The following ZFYVE28 variants were observed in gnomAD, a reference collection of about 807,000 sequenced individuals.
ZFYVE28 encodes zinc finger FYVE-type containing 28, also known as lateral signaling target protein 2 homolog.
A neutral mutation model predicts 82.1 loss-of-function variants in ZFYVE28; 40 were observed. The ratio of observed to expected loss-of-function variants is 0.49; its 90% CI spans 0.38 to 0.63. The LOEUF is 0.63. ZFYVE28 is among the 30% of genes least tolerant of loss of function. ZFYVE28 has a pLI of 0.00. For missense variants in ZFYVE28, 1,321 were observed against 1,242.1 expected (o/e 1.06, Z -0.96); for synonymous variants, 612 against 546.1 (o/e 1.12, Z -1.68).
chr4:2,398,735 ACAAGGGGGGTATG>A (rs879256005), intron 1 of ZFYVE28, among the ~76,000 whole-genome samples: 2,141 of 5,852 alleles, frequency 0.37, 906 homozygotes, highest in Admixed American at 0.52. Flanking sequence ...GATCGAGGGC[ACAAGGGGGGTATG>A]AGATCCAGTG....
chr4:2,312,952 C>T (rs542365886), intron 7 of ZFYVE28, among the ~76,000 whole-genome samples: 106 of 151,852 alleles, frequency 7.0e-4, no homozygotes, highest in African/African-American at 2.2e-3. Flanking sequence ...GGCTGAGGCA[C>T]GAGAATCGCT....
At chr4:2,319,964 C>A (rs1272963667) in intron 7 of ZFYVE28, among the ~76,000 whole-genome samples, 1 of 152,144 alleles carries the variant, frequency 6.6e-6, no homozygotes, top group East Asian at 1.9e-4. Context: ...GCGCCCACCC[C>A]ATGCGATGCC....
intron 1 of ZFYVE28, among the ~76,000 whole-genome samples, chr4:2,404,378 G>C (rs1300816508): frequency 8.3e-5 from 1 of 12,084 alleles, no homozygotes; most frequent in Non-Finnish European, 1.7e-4. Flanking sequence ...CTCCCCAAGA[G>C]AATCAAATTA....
At chr4:2,342,190 G>C (rs1206529732) in intron 2 of ZFYVE28, among the ~76,000 whole-genome samples, 3 of 152,194 alleles carry the variant, frequency 2.0e-5, no homozygotes, top group Admixed American at 1.3e-4. Context: ...CCTCCATCCA[G>C]GGTGGCGTCC....
intron 8 of ZFYVE28, among the ~76,000 whole-genome samples, chr4:2,293,816 T>C (rs1207399843): frequency 6.7e-6 from 1 of 149,028 alleles, no homozygotes; most frequent in Admixed American, 6.7e-5. Flanking sequence ...ATATTACCAA[T>C]GAACAATTAC....
intron 1 of ZFYVE28, among the ~76,000 whole-genome samples, chr4:2,383,409 T>C (rs1312652570): frequency 6.6e-6 from 1 of 152,150 alleles, no homozygotes; most frequent in Non-Finnish European, 1.5e-5. Flanking sequence ...CCTTTTGCCT[T>C]CCGCCATGAT....
At chr4:2,330,589 T>C (rs1467595254) in intron 6 of ZFYVE28, 3 of 1,229,910 alleles carry the variant, frequency 2.4e-6, no homozygotes, top group Non-Finnish European at 3.1e-6. Context: ...GAGAATGGGA[T>C]AGCATAGAGG....
intron 8 of ZFYVE28, among the ~76,000 whole-genome samples, chr4:2,299,049 C>T (rs1422612137): frequency 3.9e-5 from 6 of 152,176 alleles, no homozygotes; most frequent in Non-Finnish European, 7.3e-5. Context: ...CTTAATTACA[C>T]AAGATAAAAT....
At chr4:2,350,260 C>G (rs888017998) in intron 2 of ZFYVE28, among the ~76,000 whole-genome samples, 2 of 151,884 alleles carry the variant, frequency 1.3e-5, no homozygotes, top group Non-Finnish European at 2.9e-5. Context: ...GTCAGGAGAT[C>G]GAGACCATCC....
intron 8 of ZFYVE28, chr4:2,287,332 C>T (rs1268282102): frequency 6.6e-6 from 1 of 152,288 alleles, no homozygotes; most frequent in African/African-American, 2.4e-5. Flanking sequence ...GCCTGAGCCA[C>T]AGACACGGAC....
intron 8 of ZFYVE28, among the ~76,000 whole-genome samples, chr4:2,274,951 C>G (rs934870924): frequency 6.6e-6 from 1 of 152,230 alleles, no homozygotes; most frequent in South Asian, 2.1e-4. Context: ...CCTCCGACTG[C>G]GAGACAGTTT....
intron 7 of ZFYVE28, among the ~76,000 whole-genome samples, chr4:2,319,420 C>A (rs78256542): frequency 2.0e-5 from 3 of 152,192 alleles, no homozygotes; most frequent in African/African-American, 4.8e-5. Flanking sequence ...CCATAGCCCA[C>A]GGGGTCACTT....
chr4:2,357,995 G>T (rs4974676), intron 1 of ZFYVE28, among the ~76,000 whole-genome samples: 1 of 152,096 alleles, frequency 6.6e-6, no homozygotes, highest in East Asian at 1.9e-4. Context: ...TGATGGCAGC[G>T]TGGTGCTGGC....
chr4:2,271,436 C>T (rs1410012250), intron 11 of ZFYVE28, 22 bp from the exon 12 acceptor site: 1 of 1,609,250 alleles, frequency 6.2e-7, no homozygotes, highest in South Asian at 1.1e-5. Context: ...ACAGCAGCGT[C>T]ACATCAGCGA....
intron 7 of ZFYVE28, among the ~76,000 whole-genome samples, chr4:2,318,601 C>G (rs955178658): frequency 6.6e-6 from 1 of 152,156 alleles, no homozygotes; most frequent in Non-Finnish European, 1.5e-5. Flanking sequence ...CACTGTTTTC[C>G]CTGGGTGGGC....
chr4:2,322,197 T>C (rs575040641), intron 6 of ZFYVE28, among the ~76,000 whole-genome samples: 1 of 152,260 alleles, frequency 6.6e-6, no homozygotes, highest in African/African-American at 2.4e-5. Context: ...TAACGGGGTG[T>C]GGGGGCCAGA....
Position 2,341,632 on chromosome 4 carries a change from G to A in ZFYVE28, c.181-17C>T, listed in dbSNP as rs746084703. 19 of 1,596,558 alleles carry A rather than the reference G, an allele frequency of 1.2e-5. No homozygotes were observed. Among genetic ancestry groups the A allele is most frequent in the Admixed American group, 1.2e-4 (7 of 59,662 alleles). ...CACATTGTCCTGAAACAGAAGACAGGAGAAAGTGCGCCAATCGCTGTGTCC... is the reference window on the plus strand; with the variant it reads ...CACATTGTCCTGAAACAGAAGACAGAAGAAAGTGCGCCAATCGCTGTGTCC... On this transcript the variant is annotated splice_polypyrimidine_tract_variant and intron_variant, in intron 2 of 12. Coordinates refer to ENST00000290974, the MANE Select transcript of ZFYVE28 (RefSeq NM_020972.3). The surrounding 1 kb of genome is among the most constrained non-coding windows in gnomAD (Gnocchi z 4.5).
chr4:2,330,554 A>G, intron 6 of ZFYVE28: 1 of 1,174,140 alleles, frequency 8.5e-7, no homozygotes, highest in Non-Finnish European at 1.1e-6. Flanking sequence ...GGAGGAGGGG[A>G]CAGCATGGAG....
intron 8 of ZFYVE28, among the ~76,000 whole-genome samples, chr4:2,290,027 G>T (rs1027269388): frequency 1.6e-4 from 24 of 152,144 alleles, no homozygotes; most frequent in Admixed American, 1.5e-3. Flanking sequence ...CGCTGTCCTT[G>T]CGGAGGCCAG....
Sources: allele counts gnomAD v4.1 joint callset (sites outside exome capture counted in the v4.1 genomes callset), GRCh38; gene constraint gnomAD v4.1.1; non-coding constraint Gnocchi (gnomAD v3.1); transcripts MANE v1.5; gene names NCBI Gene and HGNC (gene_info 2026-07-23, HGNC 2026-07-21).